MSH5: variants seen among roughly 807,000 people sequenced by gnomAD.
MSH5 encodes mutS homolog 5, also known as mutS protein homolog 5.
In MSH5, 78 loss-of-function variants were observed where a neutral mutation model predicts 107.7. The observed-to-expected ratio is 0.72, with a 90% CI of 0.60 to 0.87. The LOEUF (loss-of-function observed/expected upper bound fraction) is 0.87, where lower values mean the gene tolerates loss of function less well. Ranked by LOEUF, MSH5 falls within the 40% of genes least tolerant of loss-of-function variation. The pLI is 0.00. For missense variants in MSH5, 889 were observed against 1,046.6 expected, an observed-to-expected ratio of 0.85 and a Z score of 2.08; for synonymous variants, 326 against 399.5, an observed-to-expected ratio of 0.82 and a Z score of 2.19.
At position 31,762,673 on chromosome 6, in the gene MSH5, G is replaced by A. The variant is rs1055887731; in HGVS notation, c.*142G>A. ...TATTAGGAATAAAGTTTATTTTGAA[G>A]AAAGATATTGTTTCTTTAGTCTCAA... On this transcript the variant is annotated 3_prime_UTR_variant, in exon 25 of 25. Coordinates refer to ENST00000375750, the MANE Select transcript of MSH5 (RefSeq NM_172166.4). 2 of 595,298 alleles carry A rather than the reference G, an allele frequency of 3.4e-6. No individual in the cohort carries two copies. The highest frequency in any genetic ancestry group is 2.2e-5 in the South Asian group (1 of 45,504). 36.9% of individuals were successfully genotyped at this position (595,298 alleles called of 1,614,324 possible). A position where few individuals can be genotyped will look rare whatever the true frequency, so the allele number is the denominator to read the frequency against.
At chr6:31,748,381 T>G (rs1809654595) in intron 10 of MSH5, among the ~76,000 whole-genome samples, 1 of 142,634 alleles carries the variant, frequency 7.0e-6, no homozygotes, top group South Asian at 2.3e-4. Flanking sequence ...TGAGTTTCGC[T>G]CTTGTTGCCC....
chr6:31,743,310 C>A (rs1431917928), intron 5 of MSH5, 140 bp downstream of exon 5: 2 of 845,834 alleles, frequency 2.4e-6, no homozygotes, highest in Non-Finnish European at 3.9e-6. Flanking sequence ...TATGACCTGT[C>A]CCCCCAAGAT....
Position 31,753,555 on chromosome 6 carries a change from G to A in MSH5, c.952-12G>A, listed in dbSNP as rs765384035. 5 of 1,613,998 alleles carry A rather than the reference G, an allele frequency of 3.1e-6. No individual in the cohort carries two copies. The highest frequency in any genetic ancestry group is 4.2e-6 in the Non-Finnish European group (5 of 1,180,030). ...AAGAGAAAACAGCGGCTGTAACCTT[G>A]TCTGACTGTAGCTGATTCTGAAACG... On this transcript the variant is annotated splice_polypyrimidine_tract_variant and intron_variant, in intron 11 of 24. Coordinates refer to ENST00000375750, the MANE Select transcript of MSH5 (RefSeq NM_172166.4).
intron 10 of MSH5, 45 bp downstream of exon 10, chr6:31,747,477 T>C: frequency 1.3e-6 from 2 of 1,578,196 alleles, no homozygotes; most frequent in South Asian, 1.1e-5. Flanking sequence ...ATGAATTCCA[T>C]ATGCACACTA....
At position 31,747,369 on chromosome 6, in the gene MSH5, C is replaced by T; in HGVS notation, c.767-18C>T. On this transcript the variant is annotated intron_variant, in intron 9 of 24. Coordinates refer to ENST00000375750, the MANE Select transcript of MSH5 (RefSeq NM_172166.4). ...CCCTGCCTTGTAACAAGTTCACTCC[C>T]TGCCTTATCCCTCACAGGAATCCTC... 6.2e-7 allele frequency: 1 copy of T among 1,613,008 alleles called. No homozygotes were observed. Among genetic ancestry groups the T allele is most frequent in the Non-Finnish European group, 8.5e-7 (1 of 1,179,966 alleles).
chr6:31,740,888 G>C lies in MSH5; in HGVS notation c.147+275G>C, dbSNP rs1808800948. The stretch of plus-strand genomic sequence containing the variant: ...AGGCAGGAGAATCACTGTAACTCGG[G>C]AGGCGGAGGTTGCAATGAGCTGAGA... On this transcript the variant is annotated intron_variant, in intron 2 of 24. Coordinates refer to ENST00000375750, the MANE Select transcript of MSH5 (RefSeq NM_172166.4). This position sits in a 1 kb window ranked among gnomAD's most constrained non-coding sequence, Gnocchi z 4.4. Among the ~76,000 whole-genome samples the C allele has an allele frequency of 6.6e-6, 1 of 152,010 alleles. No individual in the cohort carries two copies. Among genetic ancestry groups the C allele is most frequent in the Admixed American group, 6.6e-5 (1 of 15,254 alleles).
intron 12 of MSH5, 100 bp downstream of exon 12, chr6:31,753,729 C>A (rs1810183436): frequency 8.6e-7 from 1 of 1,161,798 alleles, no homozygotes; most frequent in Non-Finnish European, 1.3e-6. Context: ...TTTTATTCTA[C>A]CCTCTTTTTT....
In MSH5 at chr6:31,761,582, A is replaced by G. The variant is rs707938; in HGVS notation, c.2148A>G (p.Gln716=). Reference sequence around the variant, plus strand: ...ACTTTCTGAGCCTTGTTCAGCTACAACTGCTGCCACAAGGGCCCCTGGTGC... The same window carrying G: ...ACTTTCTGAGCCTTGTTCAGCTACAGCTGCTGCCACAAGGGCCCCTGGTGC... ...ATNFLSLVQL[Q]LLPQGPLVQY... The change falls in exon 22 of 25, where the codon CAA becomes CAG. Residue 716 remains glutamine (Q), a synonymous_variant. Coordinates refer to ENST00000375750, the MANE Select transcript of MSH5 (RefSeq NM_172166.4). The surrounding 1 kb of genome is among the most constrained non-coding windows in gnomAD (Gnocchi z 5.3). 568,960 of 1,613,718 alleles carry G rather than the reference A, an allele frequency of 0.35. 106,430 individuals are homozygous for G. Among genetic ancestry groups the G allele is most frequent in the African/African-American group, 0.65 (48,722 of 74,998 alleles).
intron 12 of MSH5, among the ~76,000 whole-genome samples, chr6:31,755,818 T>C (rs914643755): frequency 6.6e-6 from 1 of 152,172 alleles, no homozygotes; most frequent in Non-Finnish European, 1.5e-5. Flanking sequence ...TAGTCCTTTT[T>C]AATCTACCGG....
chr6:31,740,412 G>C lies in MSH5; in HGVS notation c.-13-42G>C. 6.5e-7 allele frequency: 1 copy of C among 1,537,960 alleles called. No individual in the cohort carries two copies. Among genetic ancestry groups the C allele is most frequent in the Non-Finnish European group, 8.8e-7 (1 of 1,141,412 alleles). Reference sequence around the variant, plus strand: ...GCCACCCTACCCCGGCCTCCTCTGTGAATCGTTGCTTCCGAACCGCCCTCA... The same window carrying C: ...GCCACCCTACCCCGGCCTCCTCTGTCAATCGTTGCTTCCGAACCGCCCTCA... On this transcript the variant is annotated intron_variant, in intron 1 of 24. Coordinates refer to ENST00000375750, the MANE Select transcript of MSH5 (RefSeq NM_172166.4). The surrounding 1 kb of genome is among the most constrained non-coding windows in gnomAD (Gnocchi z 4.4).
chr6:31,758,783 G>C lies in MSH5; in HGVS notation c.1234G>C (p.Gly412Arg), dbSNP rs201036343. ...EIDEKKRRLM[G>R]LPSFLTEVAR... ...CCTCGTAGAAAAGCGAAGACTGATG[G>C]GACTTCCCAGTTTCCTTACTGAGGT... is the stretch of plus-strand genomic sequence containing the variant. Residue 412 changes from glycine (G) to arginine (R), a missense_variant, in exon 15 of 25, where the codon GGA becomes CGA. Around this residue, in one of 3 missense-constraint regions of MSH5, gnomAD observed 518 missense variants for 565.0 expected, o/e 0.92. Coordinates refer to ENST00000375750, the MANE Select transcript of MSH5 (RefSeq NM_172166.4). The surrounding 1 kb of genome is among the most constrained non-coding windows in gnomAD (Gnocchi z 5.1). 101 of 1,614,010 alleles carry C rather than the reference G, an allele frequency of 6.3e-5. No homozygotes were observed. Among genetic ancestry groups the C allele is most frequent in the Admixed American group, 1.3e-4 (8 of 59,978 alleles).
rs560457177 is a variant in MSH5 at position 31,744,032 on chromosome 6, T to C, written c.537+7T>C. On this transcript the variant is annotated splice_region_variant and intron_variant, in intron 6 of 24. Coordinates refer to ENST00000375750, the MANE Select transcript of MSH5 (RefSeq NM_172166.4). ...CTTTGACTGCCTCCTCACAGTGAGA[T>C]TGGTCCTGGGGGATAAGGGCTGGGA... is the stretch of plus-strand genomic sequence containing the variant. The C allele has an allele frequency of 2.5e-5, 40 of 1,614,014 alleles. No individual in the cohort carries two copies. The highest frequency in any genetic ancestry group is 3.3e-5 in the Non-Finnish European group (39 of 1,179,976).
chr6:31,750,934 A>G (rs916801545), intron 10 of MSH5, among the ~76,000 whole-genome samples: 2 of 152,200 alleles, frequency 1.3e-5, no homozygotes, highest in Non-Finnish European at 2.9e-5. Context: ...CATGGCCAAT[A>G]AGTATACAGG....
Position 31,759,349 on chromosome 6 carries a change from G to A in MSH5, c.1408-76G>A. Reference sequence around the variant, plus strand: ...AGAGAAGTCAGAGTTAGGGGCTGGAGGTGGGGTTAGAAAGATGGGGAAGGA... The same window carrying A: ...AGAGAAGTCAGAGTTAGGGGCTGGAAGTGGGGTTAGAAAGATGGGGAAGGA... On this transcript the variant is annotated intron_variant, in intron 16 of 24. Coordinates refer to ENST00000375750, the MANE Select transcript of MSH5 (RefSeq NM_172166.4). The surrounding 1 kb of genome is among the most constrained non-coding windows in gnomAD (Gnocchi z 4.7). The A allele has an allele frequency of 6.6e-7, 1 of 1,505,260 alleles. No homozygotes were observed. The highest frequency in any genetic ancestry group is 9.2e-7 in the Non-Finnish European group (1 of 1,084,704). 93.2% of individuals were successfully genotyped at this position (1,505,260 alleles called of 1,614,324 possible).
chr6:31,745,139 G>T, intron 8 of MSH5, 98 bp from the exon 9 acceptor site: 2 of 719,186 alleles, frequency 2.8e-6, no homozygotes, highest in Non-Finnish European at 2.4e-6. Flanking sequence ...CGTGATCTCA[G>T]GAGGATATCC....
In MSH5 at chr6:31,761,038, A is replaced by C. The variant is rs1230987545; in HGVS notation, c.1963-150A>C. 1.0e-6 allele frequency: 1 copy of C among 991,950 alleles called. No homozygotes were observed. The highest frequency in any genetic ancestry group is 1.5e-6 in the Non-Finnish European group (1 of 671,310). 61.4% of individuals were successfully genotyped at this position (991,950 alleles called of 1,614,324 possible). A position where few individuals can be genotyped will look rare whatever the true frequency, so the allele number is the denominator to read the frequency against. On this transcript the variant is annotated intron_variant, in intron 20 of 24. Transcript: ENST00000375750. This position sits in a 1 kb window ranked among gnomAD's most constrained non-coding sequence, Gnocchi z 5.3. ...TGTTTCATGTGAGTCACTGTTGGCA[A>C]AGAGGATGAACAAAGCGTGCACCTC...
Position 31,760,024 on chromosome 6 carries a change from A to G in MSH5, c.1685+49A>G. Reference sequence around the variant, plus strand: ...AATAGACATGAGGGGCCCAAAGGCTACATCTTCTGGGGGTTCATCTATCTT... The same window carrying G: ...AATAGACATGAGGGGCCCAAAGGCTGCATCTTCTGGGGGTTCATCTATCTT... On this transcript the variant is annotated intron_variant, in intron 18 of 24. Coordinates refer to ENST00000375750, the MANE Select transcript of MSH5 (RefSeq NM_172166.4). The surrounding 1 kb of genome is among the most constrained non-coding windows in gnomAD (Gnocchi z 5.6). 1 of 1,611,546 alleles carries G rather than the reference A, an allele frequency of 6.2e-7. No homozygotes were observed.
At position 31,759,399 on chromosome 6, in the gene MSH5, C is replaced by T; in HGVS notation, c.1408-26C>T. 1.2e-6 allele frequency: 2 copies of T among 1,609,692 alleles called. No individual in the cohort carries two copies. The highest frequency in any genetic ancestry group is 1.7e-6 in the Non-Finnish European group (2 of 1,177,444). ...AGAGGAGGACCAAGAGATGCAAAGT[C>T]CACAGCTTTGAACCCCTGTACCCAG... is the stretch of plus-strand genomic sequence containing the variant. On this transcript the variant is annotated intron_variant, in intron 16 of 24. Coordinates refer to ENST00000375750, the MANE Select transcript of MSH5 (RefSeq NM_172166.4). The surrounding 1 kb of genome is among the most constrained non-coding windows in gnomAD (Gnocchi z 4.7).
rs1334648863 is a variant in MSH5 at position 31,753,393 on chromosome 6, T to C, written c.905T>C (p.Met302Thr). 3.7e-6 allele frequency: 6 copies of C among 1,614,196 alleles called. No individual in the cohort carries two copies. The highest frequency in any genetic ancestry group is 3.4e-6 in the Non-Finnish European group (4 of 1,180,044). Reference protein sequence around the residue: ...QFFLLPQNLDMAQMLHRLLGH... With the variant: ...QFFLLPQNLDTAQMLHRLLGH... ...TTTCTGCTGCCCCAGAATCTGGACA[T>C]GGCTCAGATGCTGCATCGGCTCCTG... Residue 302 changes from methionine (M) to threonine (T), a missense_variant, in exon 11 of 25, where the codon ATG becomes ACG. Physicochemically the swap from Met to Thr is moderately conservative, Grantham distance 81 (BLOSUM62 -1). Coordinates refer to ENST00000375750, the MANE Select transcript of MSH5 (RefSeq NM_172166.4).
Sources: allele counts gnomAD v4.1 joint callset (sites outside exome capture counted in the v4.1 genomes callset), GRCh38; gene constraint gnomAD v4.1.1; regional missense constraint gnomAD v4.1.1; non-coding constraint Gnocchi (gnomAD v3.1); transcripts MANE v1.5; gene names NCBI Gene and HGNC (gene_info 2026-07-23, HGNC 2026-07-21).